The following GRXCR2 variants were observed in gnomAD, a reference collection of about 807,000 sequenced individuals.
GRXCR2 encodes the protein glutaredoxin and cysteine rich domain containing 2.
A neutral mutation model predicts 24.8 loss-of-function variants in GRXCR2; 23 were observed. The ratio of observed to expected loss-of-function variants is 0.93; its 90% confidence interval spans 0.67 to 1.32. The LOEUF (loss-of-function observed/expected upper bound fraction) is 1.32, where lower values mean the gene tolerates loss of function less well. GRXCR2 is among the 40% of genes most tolerant of loss of function. GRXCR2 has a pLI of 0.00. For synonymous variants in GRXCR2, 130 were observed against 116.1 expected (o/e 1.12, Z -0.77); for missense variants, 315 against 303.4 (o/e 1.04, Z -0.28).
intron 2 of GRXCR2, among the ~76,000 whole-genome samples, chr5:145,916,309 G>A (rs1757238441): frequency 6.6e-6 from 1 of 152,198 alleles, no homozygotes; most frequent in African/African-American, 2.4e-5. Context: ...TTATTATTAG[G>A]GGAAATTGAT....
intron 2 of GRXCR2, among the ~76,000 whole-genome samples, chr5:145,909,919 C>A (rs753091528): frequency 3.3e-5 from 5 of 152,186 alleles, no homozygotes; most frequent in African/African-American, 4.8e-5. Flanking sequence ...CTCTCTCCTG[C>A]ACATTTACAA....
chr5:145,889,184 GAAAGAAAGAAAGA>G (rs1561683111), intron 2 of GRXCR2, among the ~76,000 whole-genome samples: 1 of 112,872 alleles, frequency 8.9e-6, no homozygotes, highest in Non-Finnish European at 1.9e-5. Flanking sequence ...AAGAAAGAAA[GAAAGAAAGAAAGA>G]AAGAAAGAAA....
intron 2 of GRXCR2, among the ~76,000 whole-genome samples, chr5:145,878,528 C>T (rs2636305): frequency 0.078 from 11,911 of 151,832 alleles, 805 homozygotes; most frequent in African/African-American, 0.18. Context: ...ACAAAGCCTC[C>T]GAGAAATATG....
chr5:145,898,823 TAGGC>T (rs1756987424), intron 2 of GRXCR2, among the ~76,000 whole-genome samples: 1 of 152,054 alleles, frequency 6.6e-6, no homozygotes, highest in Admixed American at 6.6e-5. Flanking sequence ...TCATACTAAA[TAGGC>T]AGAAACTGGA....
chr5:145,895,632 G>C (rs1756938104), intron 2 of GRXCR2, among the ~76,000 whole-genome samples: 1 of 152,222 alleles, frequency 6.6e-6, no homozygotes, highest in African/African-American at 2.4e-5. Context: ...AAATAAAAGA[G>C]GATAAAAACA....
intron 2 of GRXCR2, among the ~76,000 whole-genome samples, chr5:145,885,245 A>G (rs182233620): frequency 3.5e-4 from 53 of 152,218 alleles, no homozygotes; most frequent in Admixed American, 9.8e-4. Flanking sequence ...AGTTCATAGG[A>G]CTTTATTAAA....
chr5:145,861,646 C>T (rs1033898579), intron 2 of GRXCR2, among the ~76,000 whole-genome samples: 5 of 152,164 alleles, frequency 3.3e-5, no homozygotes, highest in Non-Finnish European at 5.9e-5. Flanking sequence ...ACTTCCCAAA[C>T]ATCTAGTGCA....
intron 2 of GRXCR2, among the ~76,000 whole-genome samples, chr5:145,913,871 C>T (rs993570084): frequency 6.6e-6 from 1 of 152,086 alleles, no homozygotes; most frequent in African/African-American, 2.4e-5. Flanking sequence ...AAAGTGGATT[C>T]GCAGAATTAC....
At chr5:145,920,688 C>A (rs1009236252) in intron 2 of GRXCR2, among the ~76,000 whole-genome samples, 4 of 152,178 alleles carry the variant, frequency 2.6e-5, no homozygotes, top group Non-Finnish European at 5.9e-5. Flanking sequence ...AGCTTCAGTT[C>A]CAGGTCAGGA....
At chr5:145,909,625 G>A (rs948264277) in intron 2 of GRXCR2, among the ~76,000 whole-genome samples, 8 of 151,992 alleles carry the variant, frequency 5.3e-5, no homozygotes, top group African/African-American at 9.7e-5. Flanking sequence ...GTCTCCTCTC[G>A]CCAGAATATA....
upstream of GRXCR2, among the ~76,000 whole-genome samples, chr5:145,875,940 G>A (rs570162123): frequency 1.3e-5 from 2 of 152,052 alleles, no homozygotes; most frequent in South Asian, 2.1e-4. Flanking sequence ...GAGGCAGGAG[G>A]GTTGCTTGAG....
rs562502064 is a variant in GRXCR2 at position 145,878,871 on chromosome 5, G to A, written c.-69-12143C>T. Among the ~76,000 whole-genome samples the A allele has an allele frequency of 2.0e-5, 3 of 152,322 alleles. No individual in the cohort carries two copies. In the South Asian group the frequency reaches 6.2e-4, roughly 32 times the overall value. On this transcript the variant is annotated intron_variant, in intron 2 of 3. Coordinates refer to the GRXCR2 transcript ENST00000639411. ...CTCTTGGCAGAAACCCTACAAGCCA[G>A]AAGAGAGTGGGGGCCAATATTCAAC...
At chr5:145,909,898 C>T (rs1205976492) in intron 2 of GRXCR2, among the ~76,000 whole-genome samples, 1 of 152,186 alleles carries the variant, frequency 6.6e-6, no homozygotes, top group East Asian at 1.9e-4. Flanking sequence ...TCACCCCTCG[C>T]TTCCCAATTC....
intron 2 of GRXCR2, among the ~76,000 whole-genome samples, chr5:145,861,931 C>T (rs1756346444): frequency 6.6e-6 from 1 of 152,108 alleles, no homozygotes; most frequent in Non-Finnish European, 1.5e-5. Context: ...AGTAATTACC[C>T]AATTGACAAA....
chr5:145,859,696 G>A lies in GRXCR2; in HGVS notation c.*37C>T, dbSNP rs762772828. 1 of 1,600,454 alleles carries A rather than the reference G, an allele frequency of 6.2e-7. No individual in the cohort carries two copies. Among genetic ancestry groups the A allele is most frequent in the Non-Finnish European group, 8.6e-7 (1 of 1,167,692 alleles). On this transcript the variant is annotated 3_prime_UTR_variant, in exon 3 of 3. Transcript: ENST00000377976. ...GCGGTTTATTAGAAATAACTTTAGG[G>A]AGGGTAAGATAACAGTGGACATGCA...
At chr5:145,905,926 G>A (rs1201902250) in intron 2 of GRXCR2, among the ~76,000 whole-genome samples, 2 of 152,190 alleles carry the variant, frequency 1.3e-5, no homozygotes, top group African/African-American at 4.8e-5. Flanking sequence ...ATGTGGGAGT[G>A]CTTGGTGAGA....
chr5:145,905,429 T>G (rs369335465), intron 2 of GRXCR2, among the ~76,000 whole-genome samples: 169 of 152,332 alleles, frequency 1.1e-3, no homozygotes, highest in African/African-American at 3.9e-3. Flanking sequence ...TTAAGGCAAT[T>G]TGGTTTGTTA....
intron 2 of GRXCR2, among the ~76,000 whole-genome samples, chr5:145,916,679 A>C (rs1486591485): frequency 6.6e-6 from 1 of 152,224 alleles, no homozygotes; most frequent in East Asian, 1.9e-4. Context: ...GGATATAGAC[A>C]TAGCTATCAG....
At chr5:145,892,525 G>A (rs1756883250) in intron 2 of GRXCR2, among the ~76,000 whole-genome samples, 1 of 152,144 alleles carries the variant, frequency 6.6e-6, no homozygotes, top group Non-Finnish European at 1.5e-5. Flanking sequence ...CTGGAAGAAA[G>A]GGTATCAGTG....
Sources: gnomAD v4.1 joint callset for allele counts (sites outside exome capture counted in the v4.1 genomes callset) on GRCh38, gnomAD v4.1.1 for gene constraint, MANE v1.5 for transcripts, NCBI Gene and HGNC (gene_info 2026-07-23, HGNC 2026-07-21) for gene names.